Variants in BTBD19 observed in about 807,000 individuals in gnomAD.
The protein encoded by BTBD19 is BTB/POZ domain-containing protein 19.
BTBD19 carries 20 observed loss-of-function variants against 36.1 expected under a neutral mutation model. The ratio of observed to expected loss-of-function variants is 0.55; its 90% CI spans 0.39 to 0.80. The LOEUF (loss-of-function observed/expected upper bound fraction) is 0.80. Among genes scored for constraint, BTBD19 ranks in the 30% least tolerant of loss-of-function variants. The pLI is 0.00. For missense variants in BTBD19, 325 were observed against 389.8 expected (o/e 0.83, Z 1.40); for synonymous variants, 157 against 174.3 (o/e 0.90, Z 0.78).
In BTBD19 at chr1:44,813,746, C is replaced by G. The variant is rs1055243387; in HGVS notation, c.850C>G (p.Arg284Gly). The change falls in exon 8 of 8, where the codon CGC (arginine) becomes GGC (glycine). Residue 284 changes from arginine to glycine, a missense_variant. Arg to Gly is a moderately radical substitution (Grantham distance 125). Coordinates refer to ENST00000450269, the Ensembl canonical transcript of BTBD19. This position sits in a 1 kb window ranked among gnomAD's most constrained non-coding sequence, Gnocchi z 7.8. ...AGGCACCCTGCCCCGGGAGCATCAC[C>G]GCTTTCTGGACCTGTCCTTCAAATG... The G allele has an allele frequency of 1.9e-6, 3 of 1,551,474 alleles. No homozygotes were observed. In the South Asian group the frequency reaches 3.6e-5, roughly 18 times the overall value.
exon 8 of BTBD19, chr1:44,814,043 T>C: frequency 1.7e-6 from 1 of 584,286 alleles, no homozygotes; most frequent in Non-Finnish European, 3.0e-6. Flanking sequence ...TTCCACACCC[T>C]GACTCTACGC....
chr1:44,813,119 C>A lies in BTBD19; in HGVS notation c.484-19C>A. ...CGCACCGCATTCTGCTCCTCCCTGA[C>A]CCATTTGCCGGCTCGCAGGAGGCCC... On this transcript the variant is annotated intron_variant, in intron 5 of 7. Transcript: ENST00000450269. This position sits in a 1 kb window ranked among gnomAD's most constrained non-coding sequence, Gnocchi z 7.8. The A allele has an allele frequency of 6.5e-7, 1 of 1,542,034 alleles. No homozygotes were observed. Among genetic ancestry groups the A allele is most frequent in the African/African-American group, 1.4e-5 (1 of 70,540 alleles).
At chr1:44,812,746 T>C (rs1652478037) in intron 4 of BTBD19, among the ~76,000 whole-genome samples, 1 of 151,288 alleles carries the variant, frequency 6.6e-6, no homozygotes, top group Admixed American at 6.6e-5. Flanking sequence ...GGCCATGGCG[T>C]GGTCTCCTGT....
At position 44,813,843 on chromosome 1, in the gene BTBD19, G is replaced by C; in HGVS notation, c.*71G>C. ...CCTGCCCCAAACTACAGCTCCCGAA[G>C]TGCTCGGCGTTCGGAGCGGGCTTCC... On this transcript the variant is annotated 3_prime_UTR_variant, in exon 8 of 8. Transcript: ENST00000450269. The surrounding 1 kb of genome is among the most constrained non-coding windows in gnomAD (Gnocchi z 7.8). The C allele has an allele frequency of 6.5e-7, 1 of 1,538,390 alleles. No homozygotes were observed. The highest frequency in any genetic ancestry group is 8.8e-7 in the Non-Finnish European group (1 of 1,136,842).
At chr1:44,814,144 C>CTT (rs1652581921), downstream of BTBD19, 4 of 224,558 alleles carry the variant, frequency 1.8e-5, no homozygotes, top group Non-Finnish European at 3.4e-5. Flanking sequence ...TTTTCTTTTT[C>CTT]TTTCTCTTTC....
chr1:44,812,967 C>T, intron 4 of BTBD19, 29 bp from the exon 5 acceptor site: 1 of 1,534,104 alleles, frequency 6.5e-7, no homozygotes. Context: ...CTCCAGTCTC[C>T]AACCTGATCT....
At position 44,813,016 on chromosome 1, in the gene BTBD19, G is replaced by A. The variant is rs906517281; in HGVS notation, c.435G>A (p.Leu145=). The change falls in exon 5 of 8, where the codon CTG becomes CTA. Residue 145 remains leucine, a synonymous_variant. Transcript: ENST00000450269. This position sits in a 1 kb window ranked among gnomAD's most constrained non-coding sequence, Gnocchi z 7.8. ...CGCAGGTGGCCGTAACCTTTGGCCT[G>A]GGGCAGCTGCAGGAGCGCTGCGTGG... 1.3e-6 allele frequency: 2 copies of A among 1,551,112 alleles called. No homozygotes were observed. The highest frequency in any genetic ancestry group is 2.0e-5 in the Admixed American group (1 of 50,914).
At position 44,813,818 on chromosome 1, in the gene BTBD19, C is replaced by A; in HGVS notation, c.*46C>A. Reference sequence around the variant, plus strand: ...GGAGCCCTCGACCCGCCCAGCTGAGCCTGCCCCAAACTACAGCTCCCGAAG... The same window carrying A: ...GGAGCCCTCGACCCGCCCAGCTGAGACTGCCCCAAACTACAGCTCCCGAAG... On this transcript the variant is annotated 3_prime_UTR_variant, in exon 8 of 8. Transcript: ENST00000450269. The surrounding 1 kb of genome is among the most constrained non-coding windows in gnomAD (Gnocchi z 7.8). The A allele has an allele frequency of 6.5e-7, 1 of 1,550,130 alleles. No homozygotes were observed. Among genetic ancestry groups the A allele is most frequent in the Non-Finnish European group, 8.7e-7 (1 of 1,146,106 alleles).
Position 44,813,999 on chromosome 1 carries a change from AG to A in BTBD19, c.*232del, listed in dbSNP as rs901897460. The A allele has an allele frequency of 7.7e-6, 5 of 650,558 alleles. No individual in the cohort carries two copies. The highest frequency in any genetic ancestry group is 1.3e-5 in the Non-Finnish European group (5 of 384,226). The allele number at this position is 650,558 out of a possible 1,614,324, so 40.3% of individuals were successfully genotyped here. A position where few individuals can be genotyped will look rare whatever the true frequency, so the allele number is the denominator to read the frequency against. The stretch of plus-strand genomic sequence containing the variant: ...GCAGGGCTTGGGCTGGGCCTCCCTG[AG>A]GGGGTGAAACTCGAAAACGAGGATT... On this transcript the variant is annotated 3_prime_UTR_variant, in exon 8 of 8. Transcript: ENST00000450269. The surrounding 1 kb of genome is among the most constrained non-coding windows in gnomAD (Gnocchi z 7.8).
Position 44,813,357 on chromosome 1 carries a change from A to C in BTBD19, c.616-17A>C, listed in dbSNP as rs1308958560. 3.9e-6 allele frequency: 6 copies of C among 1,544,588 alleles called. 1 individual carries two copies. The South Asian group carries it at 7.1e-5, about 18-fold the overall frequency. ...GGGCGGCAGGACAGGTGCCCGACTC[A>C]GGGCTGGCGTTTGCAGGCGGTGCTG... On this transcript the variant is annotated splice_polypyrimidine_tract_variant and intron_variant, in intron 6 of 7. Transcript: ENST00000450269. The surrounding 1 kb of genome is among the most constrained non-coding windows in gnomAD (Gnocchi z 7.8).
In BTBD19 at chr1:44,810,343, G is replaced by A; in HGVS notation, c.217G>A (p.Val73Met). 6.4e-7 allele frequency: 1 copy of A among 1,551,800 alleles called. No homozygotes were observed. The highest frequency in any genetic ancestry group is 8.7e-7 in the Non-Finnish European group (1 of 1,147,014). Reference sequence around the variant, plus strand: ...AGGCCCCGGGGTGCCCAGTCCTGTGGTGCTAAGCACTGTGCCAACTGAGGC... The same window carrying A: ...AGGCCCCGGGGTGCCCAGTCCTGTGATGCTAAGCACTGTGCCAACTGAGGC... The change falls in exon 2 of 8, where the codon GTG (valine) becomes ATG (methionine). Residue 73 changes from valine (V) to methionine (M), a missense_variant. Physicochemically the swap from Val to Met is conservative, Grantham distance 21. Transcript: ENST00000450269. This position sits in a 1 kb window ranked among gnomAD's most constrained non-coding sequence, Gnocchi z 4.2.
At position 44,810,327 on chromosome 1, in the gene BTBD19, G is replaced by A; in HGVS notation, c.201G>A (p.Gly67=). 2 of 1,551,810 alleles carry A rather than the reference G, an allele frequency of 1.3e-6. No homozygotes were observed. The highest frequency in any genetic ancestry group is 1.7e-6 in the Non-Finnish European group (2 of 1,146,994). Residue 67 remains glycine (G), a synonymous_variant, in exon 2 of 8, where the codon GGG becomes GGA. Transcript: ENST00000450269. The surrounding 1 kb of genome is among the most constrained non-coding windows in gnomAD (Gnocchi z 4.2). ...TTCTGGGCACAGAGCCAGGCCCCGG[G>A]GTGCCCAGTCCTGTGGTGCTAAGCA...
downstream of BTBD19, chr1:44,814,218 T>TTCTTTC (rs1408201533): frequency 7.8e-6 from 1 of 128,216 alleles, no homozygotes; most frequent in Non-Finnish European, 1.6e-5. Context: ...TTCTTTTTCT[T>TTCTTTC]TCTTTCTCTT....
chr1:44,812,883 T>C, intron 4 of BTBD19, 113 bp from the exon 5 acceptor site: 1 of 978,188 alleles, frequency 1.0e-6, no homozygotes, highest in Non-Finnish European at 1.5e-6. Context: ...CTGAGGGCCC[T>C]GTCAGCCTCC....
In BTBD19 at chr1:44,813,266, C is replaced by T; in HGVS notation, c.612C>T (p.Gly204=). The change falls in exon 6 of 8, where the codon GGC becomes GGT. Residue 204 remains glycine, a synonymous_variant. Transcript: ENST00000450269. The surrounding 1 kb of genome is among the most constrained non-coding windows in gnomAD (Gnocchi z 7.8). ...CGGCCCGAAGCTGGGCGCGCGTGGG[C>T]GCGGTGAGTGGGGCTGGGGGAGCGC... 2 of 1,535,822 alleles carry T rather than the reference C, an allele frequency of 1.3e-6. No homozygotes were observed. Among genetic ancestry groups the T allele is most frequent in the Non-Finnish European group, 8.7e-7 (1 of 1,143,532 alleles).
rs1302902883 is a variant in BTBD19, at chr1:44,810,513, G to A, written c.301-41G>A. 1 of 1,550,828 alleles carries A rather than the reference G, an allele frequency of 6.4e-7. No individual in the cohort carries two copies. The highest frequency in any genetic ancestry group is 8.7e-7 in the Non-Finnish European group (1 of 1,146,854). On this transcript the variant is annotated intron_variant, in intron 2 of 7. Coordinates refer to ENST00000450269, the Ensembl canonical transcript of BTBD19. This position sits in a 1 kb window ranked among gnomAD's most constrained non-coding sequence, Gnocchi z 4.2. ...CCCATTACACTGTGGGCACAGGGCA[G>A]GGGAAACTCCCTTCCACTCCCCCAA...
downstream of BTBD19, chr1:44,814,741 C>A (rs181092721): frequency 5.3e-5 from 8 of 151,428 alleles, no homozygotes; most frequent in Admixed American, 5.3e-4. Context: ...TTAGTAGAGA[C>A]GGGGGTTTCA....
exon 1 of BTBD19, chr1:44,808,713 G>C: frequency 4.0e-6 from 3 of 748,166 alleles, no homozygotes; most frequent in Non-Finnish European, 6.4e-6. Context: ...TCAGCAAACA[G>C]GCCTCCCAAG....
chr1:44,813,833 A>G lies in BTBD19; in HGVS notation c.*61A>G. ...CCCAGCTGAGCCTGCCCCAAACTACAGCTCCCGAAGTGCTCGGCGTTCGGA... is the reference window on the plus strand; with the variant it reads ...CCCAGCTGAGCCTGCCCCAAACTACGGCTCCCGAAGTGCTCGGCGTTCGGA... On this transcript the variant is annotated 3_prime_UTR_variant, in exon 8 of 8. Transcript: ENST00000450269. This position sits in a 1 kb window ranked among gnomAD's most constrained non-coding sequence, Gnocchi z 7.8. 1.0e-5 allele frequency: 16 copies of G among 1,543,054 alleles called. No individual in the cohort carries two copies. Among genetic ancestry groups the G allele is most frequent in the Non-Finnish European group, 1.4e-5 (16 of 1,140,468 alleles).
Sources: gnomAD v4.1 joint callset for allele counts (sites outside exome capture counted in the v4.1 genomes callset) on GRCh38, gnomAD v4.1.1 for gene constraint, Gnocchi (gnomAD v3.1) non-coding constraint, MANE v1.5 for transcripts, NCBI Gene and HGNC (gene_info 2026-07-23, HGNC 2026-07-21) for gene names.